The following TTYH3 variants were observed in gnomAD, a reference collection of about 807,000 sequenced individuals.
TTYH3 encodes the protein tweety family member 3.
In TTYH3, 23 loss-of-function variants were observed where a neutral mutation model predicts 68.2. The observed-to-expected ratio is 0.34, with a 90% CI of 0.24 to 0.48. The LOEUF (loss-of-function observed/expected upper bound fraction) is 0.48. TTYH3 is among the 20% of genes least tolerant of loss of function. TTYH3 has a pLI of 0.99. For missense variants in TTYH3, 768 were observed against 727.7 expected, an observed-to-expected ratio of 1.06 and a Z score of -0.64; for synonymous variants, 360 against 332.8, an observed-to-expected ratio of 1.08 and a Z score of -0.89.
At position 2,661,829 on chromosome 7, in the gene TTYH3, C is replaced by T. The variant is rs574878171; in HGVS notation, c.*90C>T. On this transcript the variant is annotated 3_prime_UTR_variant, in exon 14 of 14. Coordinates refer to ENST00000258796, the MANE Select transcript of TTYH3 (RefSeq NM_025250.3). Reference sequence around the variant, plus strand: ...CCACCTGGGCCACCCACCGGACCCTCGCACGCCGTGCCAGGCCTGCCCCAG... The same window carrying T: ...CCACCTGGGCCACCCACCGGACCCTTGCACGCCGTGCCAGGCCTGCCCCAG... The T allele has an allele frequency of 3.7e-5, 51 of 1,395,208 alleles. No individual in the cohort carries two copies. In the Middle Eastern group the frequency reaches 5.9e-4, roughly 16 times the overall value. The allele number at this position is 1,395,208 out of a possible 1,614,324, so 86.4% of individuals were successfully genotyped here.
At position 2,645,780 on chromosome 7, in the gene TTYH3, T is replaced by C. The variant is rs1785962341; in HGVS notation, c.124-1073T>C. ...CCATGTTCACCCCTCAGAAACACTT[T>C]CATGGTCAGCAAGAGGGGGTTCAGT... On this transcript the variant is annotated intron_variant, in intron 1 of 13. Transcript: ENST00000258796. This position sits in a 1 kb window ranked among gnomAD's most constrained non-coding sequence, Gnocchi z 4.8. The C allele has an allele frequency of 2.1e-6, 1 of 470,854 alleles. No individual in the cohort carries two copies. The highest frequency in any genetic ancestry group is 2.0e-5 in the African/African-American group (1 of 50,044). The allele number at this position is 470,854 out of a possible 1,614,324, so 29.2% of individuals were successfully genotyped here. A position where few individuals can be genotyped will look rare whatever the true frequency, so the allele number is the denominator to read the frequency against.
At chr7:2,651,752 T>A (rs1786183383) in intron 7 of TTYH3, among the ~76,000 whole-genome samples, 1 of 152,244 alleles carries the variant, frequency 6.6e-6, no homozygotes, top group South Asian at 2.1e-4. Flanking sequence ...TGTTTTTTTT[T>A]AATGTTCTTT....
At position 2,658,371 on chromosome 7, in the gene TTYH3, C is replaced by A; in HGVS notation, c.1336C>A (p.Leu446Met). 4 of 1,611,930 alleles carry A rather than the reference C, an allele frequency of 2.5e-6. No homozygotes were observed. The highest frequency in any genetic ancestry group is 1.1e-5 in the South Asian group (1 of 90,924). The change falls in exon 12 of 14, where the codon CTG becomes ATG. Residue 446 changes from leucine to methionine, a missense_variant. Leu to Met is a conservative substitution (Grantham distance 15, BLOSUM62 2). Transcript: ENST00000258796. ...CCTCTACCGCGTCCACATGCCCAGC[C>A]TGTACAGCTGTGGCAGCAGCTACGG... ...DSLYRVHMPSLYSCGSSYGSE... is the reference protein window; with the variant it reads ...DSLYRVHMPSMYSCGSSYGSE...
At position 2,647,663 on chromosome 7, in the gene TTYH3, C is replaced by T. The variant is rs375292547; in HGVS notation, c.626+25C>T. On this transcript the variant is annotated intron_variant, in intron 4 of 13. Coordinates refer to ENST00000258796, the MANE Select transcript of TTYH3 (RefSeq NM_025250.3). ...GGTGCGGCCAGGCCCTCTTCCCTGC[C>T]CGCCCCACGTGGGAAAGCATCACCC... 5 of 1,537,808 alleles carry T rather than the reference C, an allele frequency of 3.3e-6. No homozygotes were observed. The Admixed American group carries it at 7.9e-5, about 24-fold the overall frequency.
At chr7:2,652,140 A>T (rs780216102) in intron 7 of TTYH3, 47 bp from the exon 8 acceptor site, 2 of 1,568,662 alleles carry the variant, frequency 1.3e-6, no homozygotes, top group Admixed American at 3.3e-5. Flanking sequence ...ACGCAGTCTC[A>T]CAGGGACAGC....
Position 2,647,452 on chromosome 7 carries a change from C to T in TTYH3, c.440C>T (p.Ala147Val), listed in dbSNP as rs1313209049. Residue 147 changes from alanine (A) to valine (V), a missense_variant, in exon 4 of 14, where the codon GCG becomes GTG. Coordinates refer to ENST00000258796, the MANE Select transcript of TTYH3 (RefSeq NM_025250.3). ...ACGGCGGTGGGGCTGAACCACACGG[C>T]GGAGCCCAGCCTGCAGACCCTGGAG... ...WDTAVGLNHT[A>V]EPSLQTLERQ... is the part of the protein sequence containing the mutation. 1.3e-6 allele frequency: 2 copies of T among 1,530,076 alleles called. No homozygotes were observed. The highest frequency in any genetic ancestry group is 4.9e-5 in the East Asian group (2 of 40,668). The allele number at this position is 1,530,076 out of a possible 1,614,324, so 94.8% of individuals were successfully genotyped here. A position where few individuals can be genotyped will look rare whatever the true frequency, so the allele number is the denominator to read the frequency against.
chr7:2,646,673 G>T (rs1785991847), intron 1 of TTYH3, among the ~76,000 whole-genome samples, 180 bp from the exon 2 acceptor site: 1 of 152,214 alleles, frequency 6.6e-6, no homozygotes, highest in South Asian at 2.1e-4. Flanking sequence ...GGTGACCCCA[G>T]GTGCATCACT....
intron 7 of TTYH3, among the ~76,000 whole-genome samples, chr7:2,650,894 G>T (rs74389275): frequency 0.01 from 1,545 of 152,118 alleles, 34 homozygotes; most frequent in African/African-American, 0.035. Context: ...TTTGAGGGCG[G>T]AGCTGGCAGG....
rs957441697 is a variant in TTYH3 at position 2,658,173 on chromosome 7, G to A, written c.1251-113G>A. On this transcript the variant is annotated intron_variant, in intron 11 of 13. Coordinates refer to ENST00000258796, the MANE Select transcript of TTYH3 (RefSeq NM_025250.3). ...TCCCACATGGAGTGTGCACACGGCC[G>A]AGCCAGAACTGGAACCAGGAGTGTC... 1.3e-5 allele frequency: 15 copies of A among 1,169,506 alleles called. No individual in the cohort carries two copies. The African/African-American group carries it at 1.7e-4, about 13-fold the overall frequency. The allele number at this position is 1,169,506 out of a possible 1,614,324, so 72.4% of individuals were successfully genotyped here.
chr7:2,646,937 T>G lies in TTYH3; in HGVS notation c.208T>G (p.Cys70Gly). The G allele has an allele frequency of 6.2e-7, 1 of 1,601,154 alleles. No homozygotes were observed. Among genetic ancestry groups the G allele is most frequent in the African/African-American group, 1.3e-5 (1 of 75,000 alleles). ...GCTCTTCTACTCCTTCTGGCTGTGC[T>G]GCCGGCGGCGCAAGAGCGAGGAGCA... ...FLLFYSFWLC[C>G]RRRKSEEHLD... The change falls in exon 2 of 14, where the codon TGC (cysteine) becomes GGC (glycine). Residue 70 changes from cysteine to glycine, a missense_variant. By Grantham distance (159) the Cys-to-Gly change is radical (BLOSUM62 -3). Coordinates refer to ENST00000258796, the MANE Select transcript of TTYH3 (RefSeq NM_025250.3).
At position 2,647,453 on chromosome 7, in the gene TTYH3, G is replaced by A; in HGVS notation, c.441G>A (p.Ala147=). ...WDTAVGLNHT[A]EPSLQTLERQ... The stretch of plus-strand genomic sequence containing the variant: ...CGGCGGTGGGGCTGAACCACACGGC[G>A]GAGCCCAGCCTGCAGACCCTGGAGC... Residue 147 remains alanine, a synonymous_variant, in exon 4 of 14, where the codon GCG becomes GCA. Transcript: ENST00000258796. 1 of 1,530,494 alleles carries A rather than the reference G, an allele frequency of 6.5e-7. No homozygotes were observed. Among genetic ancestry groups the A allele is most frequent in the Non-Finnish European group, 8.8e-7 (1 of 1,142,840 alleles). 94.8% of individuals were successfully genotyped at this position (1,530,494 alleles called of 1,614,324 possible).
In TTYH3 at chr7:2,645,309, G is replaced by T. The variant is rs1414702848; in HGVS notation, c.124-1544G>T. Among the ~76,000 whole-genome samples the T allele has an allele frequency of 6.6e-6, 1 of 152,234 alleles. No homozygotes were observed. Among genetic ancestry groups the T allele is most frequent in the Non-Finnish European group, 1.5e-5 (1 of 68,032 alleles). On this transcript the variant is annotated intron_variant, in intron 1 of 13. Coordinates refer to ENST00000258796, the MANE Select transcript of TTYH3 (RefSeq NM_025250.3). This position sits in a 1 kb window ranked among gnomAD's most constrained non-coding sequence, Gnocchi z 4.8. The stretch of plus-strand genomic sequence containing the variant: ...GCAGGGCCTGTGTGCTTTCTCTGTA[G>T]CTTCTATGAAGCCCAGTTTCCCTGT...
In TTYH3 at chr7:2,656,413, C is replaced by G; in HGVS notation, c.1129C>G (p.Leu377Val). 2 of 1,610,854 alleles carry G rather than the reference C, an allele frequency of 1.2e-6. No individual in the cohort carries two copies. Among genetic ancestry groups the G allele is most frequent in the Non-Finnish European group, 1.7e-6 (2 of 1,179,580 alleles). Residue 377 changes from leucine (L) to valine (V), a missense_variant, in exon 11 of 14, where the codon CTG (leucine) becomes GTG (valine). Physicochemically the swap from Leu to Val is conservative, Grantham distance 32. Transcript: ENST00000258796. Reference sequence around the variant, plus strand: ...ACGGCCTCAGGACTACGTGCAAGCGCTGACCGGCTTCTGCTATGACGGCGT... The same window carrying G: ...ACGGCCTCAGGACTACGTGCAAGCGGTGACCGGCTTCTGCTATGACGGCGT... ...RSLHLDYVQA[L>V]TGFCYDGVEG...
intron 1 of TTYH3, among the ~76,000 whole-genome samples, chr7:2,635,768 GC>G (rs1785641208): frequency 6.6e-6 from 1 of 152,232 alleles, no homozygotes; most frequent in South Asian, 2.1e-4. Context: ...GCCTCAGTTT[GC>G]CTAGCATGGG....
chr7:2,636,978 C>T (rs2114972185), intron 1 of TTYH3, among the ~76,000 whole-genome samples: 1 of 151,972 alleles, frequency 6.6e-6, no homozygotes, highest in East Asian at 1.9e-4. Flanking sequence ...TCTAGAAGTC[C>T]CCGAGGTCTT....
chr7:2,646,958 G>T lies in TTYH3; in HGVS notation c.229G>T (p.Glu77Ter). 1.3e-6 allele frequency: 2 copies of T among 1,599,670 alleles called. No homozygotes were observed. The highest frequency in any genetic ancestry group is 8.5e-7 in the Non-Finnish European group (1 of 1,177,730). ...WLCCRRRKSE[E>*]HLDADCCCTA... is the part of the protein sequence containing the mutation. ...GTGCTGCCGGCGGCGCAAGAGCGAG[G>T]AGCACCTGGACGCCGACTGCTGCTG... is the stretch of plus-strand genomic sequence containing the variant. The change falls in exon 2 of 14, where the codon GAG becomes TAG. Residue 77 changes from glutamate (E) to a stop codon, truncating the protein, a stop_gained. Coordinates refer to ENST00000258796, the MANE Select transcript of TTYH3 (RefSeq NM_025250.3). LOFTEE classifies it high-confidence loss of function.
At chr7:2,649,288 G>T (rs908895100) in intron 5 of TTYH3, among the ~76,000 whole-genome samples, 1 of 152,094 alleles carries the variant, frequency 6.6e-6, no homozygotes, top group Non-Finnish European at 1.5e-5. Context: ...TTCAGGAGAG[G>T]GACCTGGGGG....
chr7:2,654,258 G>C (rs1484276320), intron 9 of TTYH3, among the ~76,000 whole-genome samples: 2 of 152,096 alleles, frequency 1.3e-5, no homozygotes, highest in Non-Finnish European at 2.9e-5. Flanking sequence ...AGCTAGGTGT[G>C]GCAAAGCATG....
rs199584804 is a variant in TTYH3, at chr7:2,633,581, C to G, written c.123+1303C>G. Reference sequence around the variant, plus strand: ...ACGCCTGCGTTCTAGAAGCCCAGCCCTGGGGGACCGTTCAGTGTGGGGGCA... The same window carrying G: ...ACGCCTGCGTTCTAGAAGCCCAGCCGTGGGGGACCGTTCAGTGTGGGGGCA... On this transcript the variant is annotated intron_variant, in intron 1 of 13. Transcript: ENST00000258796. Among the ~76,000 whole-genome samples the G allele has an allele frequency of 3.7e-4, 57 of 152,378 alleles. No homozygotes were observed. In the East Asian group the frequency reaches 0.011, roughly 28 times the overall value.
Sources: allele counts gnomAD v4.1 joint callset (sites outside exome capture counted in the v4.1 genomes callset), GRCh38; gene constraint gnomAD v4.1.1; non-coding constraint Gnocchi (gnomAD v3.1); transcripts MANE v1.5; gene names NCBI Gene and HGNC (gene_info 2026-07-23, HGNC 2026-07-21).